The following SLCO2A1 variants were observed in gnomAD, a reference collection of about 807,000 sequenced individuals.
The protein encoded by SLCO2A1 is matrin F/G 1.
A neutral mutation model predicts 71.7 loss-of-function variants in SLCO2A1; 60 were observed. That is an observed-to-expected ratio of 0.84 (90% CI 0.68 to 1.04). SLCO2A1 has a LOEUF of 1.04. Among genes scored for constraint, SLCO2A1 ranks in the 50% least tolerant of loss-of-function variants. The pLI, the probability that SLCO2A1 is intolerant of heterozygous loss-of-function variation, is 0.00. For missense variants in SLCO2A1, 745 were observed against 813.4 expected, an observed-to-expected ratio of 0.92 and a Z score of 1.02; for synonymous variants, 308 against 326.7, an observed-to-expected ratio of 0.94 and a Z score of 0.62.
chr3:133,977,380 T>C (rs1182747181), intron 2 of SLCO2A1, among the ~76,000 whole-genome samples: 1 of 152,220 alleles, frequency 6.6e-6, no homozygotes, highest in Non-Finnish European at 1.5e-5. Context: ...ATCAACCTCC[T>C]GTCTTAAGCA....
intron 1 of SLCO2A1, among the ~76,000 whole-genome samples, chr3:133,996,675 T>G (rs1303863198): frequency 3.3e-5 from 5 of 152,140 alleles, no homozygotes; most frequent in Admixed American, 2.6e-4. Flanking sequence ...AGATCTGGGA[T>G]TCATGACCAC....
At chr3:133,948,869 A>C in intron 7 of SLCO2A1, 24 bp downstream of exon 7, 1 of 1,610,174 alleles carries the variant, frequency 6.2e-7, no homozygotes. Flanking sequence ...GTGCCAGCCC[A>C]CCCAGGGCTG....
intron 3 of SLCO2A1, among the ~76,000 whole-genome samples, chr3:133,959,964 C>A (rs910883348): frequency 1.2e-4 from 18 of 151,764 alleles, no homozygotes; most frequent in African/African-American, 4.4e-4. Flanking sequence ...ACTAAAAATA[C>A]AAAAAATTAG....
intron 4 of SLCO2A1, among the ~76,000 whole-genome samples, chr3:133,954,067 G>A (rs906041906): frequency 5.9e-5 from 9 of 151,996 alleles, no homozygotes; most frequent in South Asian, 2.1e-4. Flanking sequence ...GGGGGCCCTC[G>A]GAGGAGCTCA....
chr3:133,949,807 C>A (rs1266600970), intron 6 of SLCO2A1, among the ~76,000 whole-genome samples: 3 of 152,120 alleles, frequency 2.0e-5, no homozygotes, highest in Non-Finnish European at 4.4e-5. Flanking sequence ...GCTCACTCAG[C>A]TAGTTCATTG....
rs749871960 is a variant in SLCO2A1, at chr3:133,942,688, G to A, written c.1542C>T (p.Phe514=). Residue 514 remains phenylalanine (F), a synonymous_variant, in exon 11 of 14, where the codon TTC becomes TTT. Transcript: ENST00000310926. ...TGSCPVPCAH[F]LLPAIFLISF... ...AGATGAGGAAGATGGCCGGGAGCAG[G>A]AAGTGGGCACAGGGGACAGGGCACG... 17 of 1,614,134 alleles carry A rather than the reference G, an allele frequency of 1.1e-5. No individual in the cohort carries two copies. In the South Asian group the frequency reaches 1.3e-4, roughly 13 times the overall value.
Position 134,009,387 on chromosome 3 carries a change from A to G in SLCO2A1, c.96+20320T>C, listed in dbSNP as rs142129397. Among the ~76,000 whole-genome samples the G allele has an allele frequency of 2.6e-3, 390 of 152,318 alleles. 1 individual carries two copies. Among genetic ancestry groups the G allele is most frequent in the Non-Finnish European group, 4.6e-3 (311 of 68,034 alleles). On this transcript the variant is annotated intron_variant, in intron 1 of 13. Coordinates refer to ENST00000310926, the MANE Select transcript of SLCO2A1 (RefSeq NM_005630.3). ...CCCCCAAATTTCAACTATTTTCCAT[A>G]AGACTTTTTAAAAAATGATTTGCAT... is the stretch of plus-strand genomic sequence containing the variant.
intron 5 of SLCO2A1, among the ~76,000 whole-genome samples, chr3:133,952,582 A>C (rs1162007352): frequency 1.3e-5 from 2 of 152,176 alleles, no homozygotes; most frequent in Non-Finnish European, 2.9e-5. Flanking sequence ...CACACTCTCA[A>C]AGGCAGGAAG....
intron 3 of SLCO2A1, among the ~76,000 whole-genome samples, chr3:133,961,655 C>T (rs193041912): frequency 1.6e-3 from 250 of 152,198 alleles, no homozygotes; most frequent in South Asian, 7.5e-3. Flanking sequence ...TTAAAAATGT[C>T]GGATTACATG....
intron 1 of SLCO2A1, among the ~76,000 whole-genome samples, chr3:133,980,645 C>T (rs998576350): frequency 6.6e-6 from 1 of 152,252 alleles, no homozygotes; most frequent in Non-Finnish European, 1.5e-5. Flanking sequence ...GAACAGCTGC[C>T]ATCACAGGAG....
chr3:133,989,632 T>C (rs1475182412), intron 1 of SLCO2A1, among the ~76,000 whole-genome samples: 1 of 152,236 alleles, frequency 6.6e-6, no homozygotes, highest in Non-Finnish European at 1.5e-5. Flanking sequence ...TATCAAGTAG[T>C]GTGGAAGGGC....
At chr3:133,962,412 C>T (rs1383033228) in intron 3 of SLCO2A1, among the ~76,000 whole-genome samples, 1 of 151,700 alleles carries the variant, frequency 6.6e-6, no homozygotes, top group Non-Finnish European at 1.5e-5. Flanking sequence ...TTAAGCTCTT[C>T]CCTTATAAAA....
chr3:134,021,449 G>C (rs1024005528), intron 1 of SLCO2A1, among the ~76,000 whole-genome samples: 1 of 152,174 alleles, frequency 6.6e-6, no homozygotes, highest in Non-Finnish European at 1.5e-5. Flanking sequence ...GCCAGGGAAT[G>C]CAGACCAGTT....
intron 11 of SLCO2A1, among the ~76,000 whole-genome samples, chr3:133,940,565 A>T (rs1219301235): frequency 6.6e-6 from 1 of 151,624 alleles, no homozygotes; most frequent in African/African-American, 2.4e-5. Context: ...AGATTTTCCT[A>T]CTCTGTGCCC....
intron 1 of SLCO2A1, among the ~76,000 whole-genome samples, chr3:134,012,068 T>C (rs1190859785): frequency 1.3e-5 from 2 of 152,150 alleles, no homozygotes; most frequent in African/African-American, 4.8e-5. Flanking sequence ...CAGGCTCCTG[T>C]CAGTGACCAG....
At chr3:134,018,951 C>T (rs889767957) in intron 1 of SLCO2A1, among the ~76,000 whole-genome samples, 2 of 152,210 alleles carry the variant, frequency 1.3e-5, no homozygotes, top group Admixed American at 6.5e-5. Flanking sequence ...AAAGCTGCCA[C>T]ATTCTGGAGA....
intron 1 of SLCO2A1, among the ~76,000 whole-genome samples, chr3:133,997,800 T>C (rs533582483): frequency 7.9e-5 from 12 of 152,314 alleles, no homozygotes; most frequent in Non-Finnish European, 1.3e-4. Flanking sequence ...GGTAAGGGCA[T>C]GAGCTTTGTT....
chr3:133,961,798 C>T (rs1934042887), intron 3 of SLCO2A1, among the ~76,000 whole-genome samples: 1 of 152,178 alleles, frequency 6.6e-6, no homozygotes, highest in Non-Finnish European at 1.5e-5. Context: ...AACTTTCTTC[C>T]TTATGCCAAC....
chr3:133,979,416 C>T, intron 2 of SLCO2A1, 65 bp downstream of exon 2: 1 of 1,601,040 alleles, frequency 6.2e-7, no homozygotes, highest in Admixed American at 1.7e-5. Context: ...TCCTCTGCTT[C>T]TCCTGGATCT....
Sources: gnomAD v4.1 joint callset for allele counts (sites outside exome capture counted in the v4.1 genomes callset) on GRCh38, gnomAD v4.1.1 for gene constraint, MANE v1.5 for transcripts, NCBI Gene and HGNC (gene_info 2026-07-23, HGNC 2026-07-21) for gene names.